FLT4: variants seen among roughly 807,000 people sequenced by gnomAD.
The protein encoded by FLT4 is fms related receptor tyrosine kinase 4.
A neutral mutation model predicts 163.2 loss-of-function variants in FLT4; 30 were observed. That is an observed-to-expected ratio of 0.18 (90% CI 0.14 to 0.25). The LOEUF (loss-of-function observed/expected upper bound fraction) is 0.25, where lower values mean the gene tolerates loss of function less well. FLT4 is among the 10% of genes least tolerant of loss of function. The pLI is 1.00. For missense variants in FLT4, 1,510 were observed against 1,863.8 expected, an observed-to-expected ratio of 0.81 and a Z score of 3.50; for synonymous variants, 884 against 789.5, an observed-to-expected ratio of 1.12 and a Z score of -2.01.
At position 180,630,745 on chromosome 5, in the gene FLT4, G is replaced by T. The variant is rs142234456; in HGVS notation, c.210C>A (p.Thr70=). The T allele has an allele frequency of 1.2e-6, 2 of 1,609,982 alleles. No individual in the cohort carries two copies. Among genetic ancestry groups the T allele is most frequent in the South Asian group, 2.2e-5 (2 of 91,062 alleles). The change falls in exon 3 of 30, where the codon ACC becomes ACA. Residue 70 remains threonine, a synonymous_variant. Transcript: ENST00000261937. This position sits in a 1 kb window ranked among gnomAD's most constrained non-coding sequence, Gnocchi z 6.3. ...CCGTGTCCTCGCTGTCCTTGTCTCC[G>T]GTGGCTGGCGCCTCCTGAGCTCCTG... The part of the protein sequence containing the change: ...AWPGAQEAPA[T]GDKDSEDTGV...
chr5:180,626,239 C>A lies in FLT4; in HGVS notation c.1130G>T (p.Gly377Val), dbSNP rs934716331. ...CACCAGGGCATGTGGACTGTGGCGC[C>A]CGGACAGTGCCTTTCCATCCTTGTA... ...QWYKDGKALS[G>V]RHSPHALVLK... The change falls in exon 9 of 30, where the codon GGG (glycine) becomes GTG (valine). Residue 377 changes from glycine to valine, a missense_variant. By Grantham distance (109) the Gly-to-Val change is moderately radical. Transcript: ENST00000261937. The A allele has an allele frequency of 2.5e-6, 4 of 1,612,666 alleles. No individual in the cohort carries two copies. In the Admixed American group the frequency reaches 6.7e-5, roughly 27 times the overall value.
Position 180,629,413 on chromosome 5 carries a change from C to T in FLT4, c.831G>A (p.Lys277=). 1 of 1,611,256 alleles carries T rather than the reference C, an allele frequency of 6.2e-7. No homozygotes were observed. ...DYPGKQAERG[K]WVPERRSQQT... ...GCTGGGAGCGTCGCTCGGGCACCCA[C>T]TTACCCCGCTCTGCCTGCCCGCACC... Residue 277 remains lysine, a synonymous_variant, in exon 7 of 30, where the codon AAG becomes AAA. Transcript: ENST00000261937.
rs148126951 is a variant in FLT4, at chr5:180,630,783, C to G, written c.172G>C (p.Glu58Gln). The G allele has an allele frequency of 1.9e-6, 3 of 1,604,478 alleles. No homozygotes were observed. The highest frequency in any genetic ancestry group is 2.5e-6 in the Non-Finnish European group (3 of 1,179,032). ...SISCRGQHPL[E>Q]WAWPGAQEAP... ...TCCTGAGCTCCTGGCCAAGCCCACTCGAGGGGGTGCTGTCCCCTGGCAGAG... is the reference window on the plus strand; with the variant it reads ...TCCTGAGCTCCTGGCCAAGCCCACTGGAGGGGGTGCTGTCCCCTGGCAGAG... Residue 58 changes from glutamate to glutamine, a missense_variant, in exon 3 of 30, where the codon GAG (glutamate) becomes CAG (glutamine). Physicochemically the swap from Glu to Gln is conservative, Grantham distance 29. Around this residue, in one of 5 missense-constraint regions of FLT4, gnomAD observed 157 missense variants for 178.7 expected, o/e 0.88. Coordinates refer to ENST00000261937, the MANE Select transcript of FLT4 (RefSeq NM_182925.5). This position sits in a 1 kb window ranked among gnomAD's most constrained non-coding sequence, Gnocchi z 6.3.
Position 180,619,744 on chromosome 5 carries a change from G to A in FLT4, c.2568C>T (p.Phe856=), listed in dbSNP as rs138143265. 326 of 1,612,364 alleles carry A rather than the reference G, an allele frequency of 2.0e-4. No homozygotes were observed. The highest frequency in any genetic ancestry group is 2.7e-4 in the Non-Finnish European group (314 of 1,179,860). ...HLGRVLGYGA[F]GKVVEASAFG... is the part of the protein sequence containing the mutation. ...AAGCGGAGGCTTCCACCACCTTCCC[G>A]AAGGCGCCGTAGCCGAGCACTCTCC... The change falls in exon 18 of 30, where the codon TTC becomes TTT. Residue 856 remains phenylalanine (F), a synonymous_variant. Coordinates refer to ENST00000261937, the MANE Select transcript of FLT4 (RefSeq NM_182925.5).
intron 23 of FLT4, among the ~76,000 whole-genome samples, chr5:180,615,425 T>A: frequency 8.0e-6 from 1 of 124,954 alleles, no homozygotes; most frequent in Non-Finnish European, 1.7e-5. Context: ...CTTCTCCACT[T>A]CCTTTCGGAG....
At chr5:180,628,455 A>C (rs1010213127) in intron 8 of FLT4, among the ~76,000 whole-genome samples, 12 of 152,184 alleles carry the variant, frequency 7.9e-5, no homozygotes, top group South Asian at 2.1e-4. Context: ...GCAATCTGTC[A>C]ATTCCCTGTG....
chr5:180,607,952 G>A (rs1761892674), intron 29 of FLT4: 4 of 612,882 alleles, frequency 6.5e-6, no homozygotes, highest in South Asian at 5.9e-5. Context: ...CAGTGTCTGG[G>A]AAGGCACCTG....
chr5:180,619,147 C>G, intron 19 of FLT4, 38 bp from the exon 20 acceptor site: 1 of 1,408,850 alleles, frequency 7.1e-7, no homozygotes, highest in Non-Finnish European at 9.3e-7. Flanking sequence ...CGTTCGGAAC[C>G]CGGGGCGCGC....
intron 27 of FLT4, 47 bp downstream of exon 27, chr5:180,611,284 C>G (rs774932802): frequency 1.2e-6 from 2 of 1,608,574 alleles, no homozygotes; most frequent in South Asian, 2.2e-5. Flanking sequence ...GCACCTTGTC[C>G]ACATGGCTTT....
At position 180,622,807 on chromosome 5, in the gene FLT4, G is replaced by A. The variant is rs756153002; in HGVS notation, c.1581C>T (p.Asn527=). ...TVSKLVIQNA[N]VSAMYKCVVS... The stretch of plus-strand genomic sequence containing the variant: ...CCACACACTTGTACATGGCAGACAC[G>A]TTGGCATTCTGGATCACCAGCTTGC... Residue 527 remains asparagine (N), a synonymous_variant, in exon 12 of 30, where the codon AAC becomes AAT. Transcript: ENST00000261937. 40 of 1,613,340 alleles carry A rather than the reference G, an allele frequency of 2.5e-5. No homozygotes were observed. Among genetic ancestry groups the A allele is most frequent in the African/African-American group, 8.0e-5 (6 of 74,896 alleles).
In FLT4 at chr5:180,620,156, G is replaced by T; in HGVS notation, c.2542+17C>A. The stretch of plus-strand genomic sequence containing the variant: ...CGGGCAGGAGGTGTGGGTTGGGCAG[G>T]CTGGTGCTGGCCTCACCCAGGTGCA... On this transcript the variant is annotated intron_variant, in intron 17 of 29. Transcript: ENST00000261937. The surrounding 1 kb of genome is among the most constrained non-coding windows in gnomAD (Gnocchi z 4.4). 6.2e-7 allele frequency: 1 copy of T among 1,601,626 alleles called. No homozygotes were observed.
At chr5:180,629,138 G>T in intron 7 of FLT4, 121 bp downstream of exon 7, 1 of 1,462,754 alleles carries the variant, frequency 6.8e-7, no homozygotes, top group Non-Finnish European at 9.6e-7. Flanking sequence ...TGCAGGAGCT[G>T]GGCAGCTCCT....
intron 24 of FLT4, 146 bp from the exon 25 acceptor site, chr5:180,613,256 C>T (rs1033241013): frequency 1.8e-5 from 11 of 599,112 alleles, no homozygotes; most frequent in Admixed American, 8.5e-5. Context: ...ATGGCTCACC[C>T]GACTGTGCTC....
intron 8 of FLT4, among the ~76,000 whole-genome samples, chr5:180,626,469 T>A (rs994669509): frequency 6.6e-6 from 1 of 152,166 alleles, no homozygotes; most frequent in African/African-American, 2.4e-5. Flanking sequence ...GACAACCGTG[T>A]CAGGCGGCCG....
At position 180,636,727 on chromosome 5, in the gene FLT4, G is replaced by T. The variant is rs985333718; in HGVS notation, c.59-4949C>A. ...CATCACCAGAGACCGCGCCATCCCGGAACACCTGTCTTCTACGTCTCTCTC... is the reference window on the plus strand; with the variant it reads ...CATCACCAGAGACCGCGCCATCCCGTAACACCTGTCTTCTACGTCTCTCTC... On this transcript the variant is annotated intron_variant, in intron 1 of 29. Coordinates refer to ENST00000261937, the MANE Select transcript of FLT4 (RefSeq NM_182925.5). The surrounding 1 kb of genome is among the most constrained non-coding windows in gnomAD (Gnocchi z 4.3). Among the ~76,000 whole-genome samples, 13 of 151,950 alleles carry T rather than the reference G, an allele frequency of 8.6e-5. No homozygotes were observed. The highest frequency in any genetic ancestry group is 8.8e-5 in the Non-Finnish European group (6 of 67,992).
At position 180,630,607 on chromosome 5, in the gene FLT4, G is replaced by A. The variant is rs781692034; in HGVS notation, c.348C>T (p.Ile116=). The part of the protein sequence containing the change: ...TGSYVCYYKY[I]KARIEGTTAA... The stretch of plus-strand genomic sequence containing the variant: ...CCGTGGTGCCCTCGATGCGTGCCTT[G>A]ATGTACTTGTAGTAGCAGACGTAGC... The change falls in exon 3 of 30, where the codon ATC becomes ATT. Residue 116 remains isoleucine, a synonymous_variant. Coordinates refer to ENST00000261937, the MANE Select transcript of FLT4 (RefSeq NM_182925.5). This position sits in a 1 kb window ranked among gnomAD's most constrained non-coding sequence, Gnocchi z 6.3. 2 of 1,613,104 alleles carry A rather than the reference G, an allele frequency of 1.2e-6. No individual in the cohort carries two copies. Among genetic ancestry groups the A allele is most frequent in the Admixed American group, 1.7e-5 (1 of 60,022 alleles).
At chr5:180,603,891 G>A (rs932379467) in intron 29 of FLT4, among the ~76,000 whole-genome samples, 3 of 145,480 alleles carry the variant, frequency 2.1e-5, no homozygotes, top group Middle Eastern at 3.2e-3. Context: ...GCGACAGAGT[G>A]AGACTCCATC....
chr5:180,603,008 C>G lies in FLT4; in HGVS notation c.*184G>C, dbSNP rs148756591. On this transcript the variant is annotated 3_prime_UTR_variant, in exon 30 of 30. Transcript: ENST00000261937. ...GCGTGGCCCTGGCCAGTCGTGGTGACGGAATTCCGGGAGCCTTGGGCCTGG... is the reference window on the plus strand; with the variant it reads ...GCGTGGCCCTGGCCAGTCGTGGTGAGGGAATTCCGGGAGCCTTGGGCCTGG... The G allele has an allele frequency of 2.0e-5, 13 of 646,834 alleles. No individual in the cohort carries two copies. In the South Asian group the frequency reaches 2.4e-4, roughly 12 times the overall value. 40.1% of individuals were successfully genotyped at this position (646,834 alleles called of 1,614,324 possible). A position where few individuals can be genotyped will look rare whatever the true frequency, so the allele number is the denominator to read the frequency against.
chr5:180,613,206 A>G, intron 24 of FLT4, 96 bp from the exon 25 acceptor site: 1 of 824,886 alleles, frequency 1.2e-6, no homozygotes, highest in East Asian at 2.6e-5. Flanking sequence ...CCATCAAGTC[A>G]CCCCGTCCTG....
Sources: gnomAD v4.1 joint callset for allele counts (sites outside exome capture counted in the v4.1 genomes callset) on GRCh38, gnomAD v4.1.1 for gene constraint, gnomAD v4.1.1 regional missense constraint, Gnocchi (gnomAD v3.1) non-coding constraint, MANE v1.5 for transcripts, NCBI Gene and HGNC (gene_info 2026-07-23, HGNC 2026-07-21) for gene names.